Variants in MSL2 observed in about 807,000 individuals in gnomAD.
The protein encoded by MSL2 is E3 ubiquitin-protein ligase MSL2.
MSL2 carries 2 observed loss-of-function variants against 35.8 expected under a neutral mutation model. That is an observed-to-expected ratio of 0.06 (90% CI 0.02 to 0.18). MSL2 has a LOEUF of 0.18. Among genes scored for constraint, MSL2 ranks in the 10% least tolerant of loss-of-function variants. MSL2 has a pLI of 1.00. For synonymous variants in MSL2, 296 were observed against 255.7 expected (o/e 1.16, Z -1.50); for missense variants, 523 against 706.7 (o/e 0.74, Z 2.95).
chr3:136,186,632 T>A (rs1940531663), intron 1 of MSL2, among the ~76,000 whole-genome samples: 1 of 152,176 alleles, frequency 6.6e-6, no homozygotes, highest in Non-Finnish European at 1.5e-5. Context: ...TGCACACTCA[T>A]TAAGAAATAA....
chr3:136,170,132 AG>A (rs1229747873), intron 1 of MSL2, among the ~76,000 whole-genome samples: 7 of 151,522 alleles, frequency 4.6e-5, no homozygotes, highest in South Asian at 4.2e-4. Context: ...ACCTGAGGTC[AG>A]GGGTTCACGA....
At chr3:136,166,258 G>A (rs191755548) in intron 1 of MSL2, among the ~76,000 whole-genome samples, 1 of 151,850 alleles carries the variant, frequency 6.6e-6, no homozygotes, top group East Asian at 1.9e-4. Context: ...CGTGGTGACA[G>A]ACGCCTATAA....
chr3:136,169,742 C>T (rs1939966580), intron 1 of MSL2, among the ~76,000 whole-genome samples: 1 of 151,906 alleles, frequency 6.6e-6, no homozygotes, highest in Non-Finnish European at 1.5e-5. Flanking sequence ...CGTGAGCCAC[C>T]GCACCCAGCC....
intron 1 of MSL2, chr3:136,155,961 T>C (rs1939507706): frequency 2.2e-6 from 1 of 455,638 alleles, no homozygotes. Context: ...TGTACCACTC[T>C]TATGCTTTAA....
intron 1 of MSL2, among the ~76,000 whole-genome samples, chr3:136,190,831 T>A (rs1174148879): frequency 1.3e-5 from 2 of 152,214 alleles, no homozygotes; most frequent in African/African-American, 4.8e-5. Flanking sequence ...AATCGACACT[T>A]AAAAATAGTA....
chr3:136,194,848 A>T, intron 1 of MSL2, 124 bp downstream of exon 1: 1 of 1,363,674 alleles, frequency 7.3e-7, no homozygotes, highest in Non-Finnish European at 1.0e-6. Flanking sequence ...TAATGACCGT[A>T]CAGCGCTGCA....
chr3:136,160,642 G>A (rs1053220046), intron 1 of MSL2, among the ~76,000 whole-genome samples: 12 of 151,590 alleles, frequency 7.9e-5, no homozygotes, highest in Admixed American at 1.3e-4. Flanking sequence ...CTCAGGAGGC[G>A]GAGGTGCAGC....
chr3:136,191,822 A>G (rs1940698665), intron 1 of MSL2, among the ~76,000 whole-genome samples: 1 of 152,218 alleles, frequency 6.6e-6, no homozygotes, highest in African/African-American at 2.4e-5. Flanking sequence ...ACATAACACA[A>G]ATTTAGAGAA....
chr3:136,184,111 C>T (rs181483346), intron 1 of MSL2, among the ~76,000 whole-genome samples: 3 of 151,776 alleles, frequency 2.0e-5, no homozygotes, highest in African/African-American at 7.3e-5. Context: ...CTGGCTAACA[C>T]GGTGAAACCC....
chr3:136,184,547 G>A (rs529613231), intron 1 of MSL2, among the ~76,000 whole-genome samples: 4 of 151,752 alleles, frequency 2.6e-5, no homozygotes, highest in Admixed American at 2.6e-4. Context: ...AGGTTGCAGC[G>A]AGCCGAGATC....
intron 1 of MSL2, among the ~76,000 whole-genome samples, chr3:136,162,619 C>A (rs1448079711): frequency 6.6e-6 from 1 of 152,014 alleles, no homozygotes; most frequent in Non-Finnish European, 1.5e-5. Flanking sequence ...GAGGGAGAGA[C>A]AGAACAAAGT....
At chr3:136,184,430 T>C (rs1265059207) in intron 1 of MSL2, among the ~76,000 whole-genome samples, 1 of 150,898 alleles carries the variant, frequency 6.6e-6, no homozygotes, top group African/African-American at 2.4e-5. Flanking sequence ...GTGAAACCCG[T>C]CTCTATAAAA....
chr3:136,179,031 A>G (rs958368143), intron 1 of MSL2, among the ~76,000 whole-genome samples: 2 of 135,864 alleles, frequency 1.5e-5, no homozygotes, highest in Admixed American at 1.7e-4. Context: ...TCTGTCACCC[A>G]GGCTGGAACG....
chr3:136,189,191 T>C (rs1227463677), intron 1 of MSL2, among the ~76,000 whole-genome samples: 6 of 139,750 alleles, frequency 4.3e-5, no homozygotes, highest in African/African-American at 1.1e-4. Flanking sequence ...TCCCAACTAA[T>C]TGAAAGGCTG....
chr3:136,163,931 T>G (rs759870934), intron 1 of MSL2, among the ~76,000 whole-genome samples: 7 of 152,232 alleles, frequency 4.6e-5, no homozygotes, highest in Non-Finnish European at 1.0e-4. Context: ...TCCCCAGCCA[T>G]GCTGAACTGT....
At chr3:136,157,924 A>G (rs1165822338) in intron 1 of MSL2, among the ~76,000 whole-genome samples, 3 of 152,238 alleles carry the variant, frequency 2.0e-5, no homozygotes, top group Non-Finnish European at 2.9e-5. Context: ...TTAAAAAGGA[A>G]TAACACCCAA....
rs1472292084 is a variant in MSL2, at chr3:136,167,674, A to C, written c.143-14936T>G. Reference sequence around the variant, plus strand: ...CAGAAAGCAAAAAATGGACACATGCAGGTGATTTATAATTAAAACCATCAT... The same window carrying C: ...CAGAAAGCAAAAAATGGACACATGCCGGTGATTTATAATTAAAACCATCAT... On this transcript the variant is annotated intron_variant, in intron 1 of 1. Coordinates refer to ENST00000309993, the MANE Select transcript of MSL2 (RefSeq NM_018133.4). Among the ~76,000 whole-genome samples, 3 of 152,248 alleles carry C rather than the reference A, an allele frequency of 2.0e-5. 1 individual carries two copies. The highest frequency in any genetic ancestry group is 4.4e-5 in the Non-Finnish European group (3 of 68,048).
intron 1 of MSL2, among the ~76,000 whole-genome samples, chr3:136,159,216 G>C (rs1939623536): frequency 6.6e-6 from 1 of 152,128 alleles, no homozygotes; most frequent in Non-Finnish European, 1.5e-5. Context: ...AATCAAGACA[G>C]TGTGGTAATG....
chr3:136,179,584 G>A (rs1940278680), intron 1 of MSL2, among the ~76,000 whole-genome samples: 1 of 152,082 alleles, frequency 6.6e-6, no homozygotes, highest in Admixed American at 6.6e-5. Context: ...ATCTTCCACA[G>A]TAATAAGAAC....
Sources: allele counts gnomAD v4.1 joint callset (sites outside exome capture counted in the v4.1 genomes callset), GRCh38; gene constraint gnomAD v4.1.1; transcripts MANE v1.5; gene names NCBI Gene and HGNC (gene_info 2026-07-23, HGNC 2026-07-21).